The following ERAP1 variants were observed in gnomAD, a reference collection of about 807,000 sequenced individuals.
ERAP1 encodes the protein endoplasmic reticulum aminopeptidase 1.
Under a neutral mutation model 103.7 loss-of-function variants are expected in ERAP1, and 86 were observed. That is an observed-to-expected ratio of 0.83 (90% confidence interval 0.70 to 0.99). The LOEUF is 0.99. Among genes scored for constraint, ERAP1 ranks in the 50% least tolerant of loss-of-function variants. ERAP1 has a pLI of 0.00. For missense variants in ERAP1, 1,009 were observed against 1,128.4 expected, an observed-to-expected ratio of 0.89 and a Z score of 1.52; for synonymous variants, 398 against 402.4, an observed-to-expected ratio of 0.99 and a Z score of 0.13.
chr5:96,913,128 G>A, the ERAP1 span, among the ~76,000 whole-genome samples: 2 of 152,070 alleles, frequency 1.3e-5, no homozygotes, highest in Non-Finnish European at 2.9e-5. Context: ...ATAAGTAAAT[G>A]TTTTTGATAG....
In ERAP1 at chr5:96,767,929, C is replaced by G. The variant is rs747618954; in HGVS notation, c.2819-4701G>C. 26 of 1,613,208 alleles carry G rather than the reference C, an allele frequency of 1.6e-5. No individual in the cohort carries two copies. Among genetic ancestry groups the G allele is most frequent in the Admixed American group, 6.7e-5 (4 of 59,966 alleles). ...CAGAAACCTGCAGATGACCAAGACC[C>G]CATTGATGCTCTCTCAGGAGATCTG... On this transcript the variant is annotated intron_variant, in intron 19 of 19. Coordinates refer to the ERAP1 transcript ENST00000296754.
In ERAP1 at chr5:96,775,481, A is replaced by T; in HGVS notation, c.*915T>A. The T allele has an allele frequency of 4.1e-6, 4 of 985,588 alleles. No individual in the cohort carries two copies. The highest frequency in any genetic ancestry group is 4.8e-6 in the Non-Finnish European group (4 of 829,938). 61.1% of individuals were successfully genotyped at this position (985,588 alleles called of 1,614,324 possible). A position where few individuals can be genotyped will look rare whatever the true frequency, so the allele number is the denominator to read the frequency against. ...GAAAAGGGTTTTCCTACAGACTTGA[A>T]TGCACTCTGCTTTTTCAGAAGAGAT... On this transcript the variant is annotated 3_prime_UTR_variant, in exon 19 of 19. Coordinates refer to ENST00000443439, the MANE Select transcript of ERAP1 (RefSeq NM_001040458.3).
At chr5:96,815,414 A>AT in the ERAP1 span, among the ~76,000 whole-genome samples, 256 of 141,292 alleles carry the variant, frequency 1.8e-3, 3 homozygotes, top group South Asian at 0.011. Context: ...TTTGTTTTTT[A>AT]TTTTTTTTTT....
the ERAP1 span, among the ~76,000 whole-genome samples, chr5:96,824,746 T>C: frequency 9.8e-5 from 15 of 152,344 alleles, no homozygotes; most frequent in East Asian, 2.9e-3. Flanking sequence ...ATTATTTTTA[T>C]TCCATTAAAA....
At chr5:96,906,819 G>C in the ERAP1 span, among the ~76,000 whole-genome samples, 2 of 152,196 alleles carry the variant, frequency 1.3e-5, no homozygotes, top group African/African-American at 2.4e-5. Flanking sequence ...ATCACCTGAG[G>C]TCAGGAGTTC....
At chr5:96,896,535 T>C in the ERAP1 span, 1 of 1,564,212 alleles carries the variant, frequency 6.4e-7, no homozygotes, top group Non-Finnish European at 8.6e-7. Flanking sequence ...GTGGAAGCTC[T>C]GCTTTCAGAA....
intron 14 of ERAP1, 49 bp from the exon 15 acceptor site, chr5:96,783,284 T>G (rs755262402): frequency 6.5e-7 from 1 of 1,540,858 alleles, no homozygotes; most frequent in Non-Finnish European, 8.8e-7. Flanking sequence ...CACAGGTCAT[T>G]TCATGTTAAT....
chr5:96,791,965 C>T, intron 8 of ERAP1, 96 bp downstream of exon 8: 1 of 1,382,676 alleles, frequency 7.2e-7, no homozygotes, highest in Non-Finnish European at 1.0e-6. Context: ...GGCATTCAAT[C>T]TGGGTTTAAC....
the ERAP1 span, among the ~76,000 whole-genome samples, chr5:96,858,880 T>A: frequency 1.3e-5 from 2 of 152,176 alleles, no homozygotes; most frequent in African/African-American, 2.4e-5. Flanking sequence ...CAAGTCATTC[T>A]CATCACTTTA....
chr5:96,821,241 A>G, the ERAP1 span, among the ~76,000 whole-genome samples: 2 of 152,250 alleles, frequency 1.3e-5, no homozygotes, highest in Non-Finnish European at 1.5e-5. Flanking sequence ...AAGTCTCCTG[A>G]TTTAAGTATT....
the ERAP1 span, among the ~76,000 whole-genome samples, chr5:96,925,980 G>C: frequency 7.2e-6 from 1 of 139,836 alleles, no homozygotes; most frequent in Non-Finnish European, 1.5e-5. Context: ...GCGTGATCTC[G>C]GCTCACTGCA....
chr5:96,901,168 TTTTGTTTG>T, the ERAP1 span, among the ~76,000 whole-genome samples: 2 of 118,538 alleles, frequency 1.7e-5, no homozygotes, highest in South Asian at 5.3e-4. Flanking sequence ...TATTTGAGGG[TTTTGTTTG>T]TTTGTTTGTT....
At chr5:96,889,082 C>G in the ERAP1 span, 13 of 1,369,606 alleles carry the variant, frequency 9.5e-6, no homozygotes, top group Admixed American at 2.3e-4. Flanking sequence ...TTAATACTTT[C>G]TTGAAAAGAT....
At chr5:96,901,355 A>G in the ERAP1 span, 25 of 783,834 alleles carry the variant, frequency 3.2e-5, no homozygotes, top group Non-Finnish European at 5.2e-5. Context: ...TCCCTAATCC[A>G]GTTGCCTGGA....
At chr5:96,902,488 T>C in the ERAP1 span, 2 of 586,114 alleles carry the variant, frequency 3.4e-6, no homozygotes, top group African/African-American at 1.9e-5. Context: ...TTTATCCATA[T>C]GTTACTAAAA....
the ERAP1 span, chr5:96,892,308 C>T: frequency 2.5e-6 from 4 of 1,613,620 alleles, no homozygotes; most frequent in African/African-American, 2.7e-5. Flanking sequence ...GATTTAATTG[C>T]TATTCCTGAC....
At chr5:96,769,988 C>G (rs1313124307), downstream of ERAP1, 1 of 152,260 alleles carries the variant, frequency 6.6e-6, no homozygotes, top group East Asian at 1.9e-4. Flanking sequence ...CTAGGTTGTT[C>G]CATATCTTGG....
the ERAP1 span, chr5:96,883,934 T>C: frequency 3.8e-6 from 6 of 1,568,894 alleles, no homozygotes; most frequent in Non-Finnish European, 5.2e-6. Flanking sequence ...GCCAAAGGTA[T>C]GTCCACTTCC....
At chr5:96,833,030 A>C in the ERAP1 span, among the ~76,000 whole-genome samples, 1 of 152,250 alleles carries the variant, frequency 6.6e-6, no homozygotes, top group Non-Finnish European at 1.5e-5. Context: ...AGAATTCATC[A>C]GTCTACAACC....
Sources: gnomAD v4.1 joint callset for allele counts (sites outside exome capture counted in the v4.1 genomes callset) on GRCh38, gnomAD v4.1.1 for gene constraint, MANE v1.5 for transcripts, NCBI Gene and HGNC (gene_info 2026-07-23, HGNC 2026-07-21) for gene names.